Variants in DSN1 observed in about 807,000 individuals in gnomAD.
DSN1 encodes DSN1 component of MIS12 kinetochore complex.
A neutral mutation model predicts 45.7 loss-of-function variants in DSN1; 31 were observed. The observed-to-expected ratio is 0.68, with a 90% CI of 0.51 to 0.92. DSN1 has a LOEUF of 0.92. DSN1 is among the 40% of genes least tolerant of loss of function. DSN1 has a pLI of 0.00. For synonymous variants in DSN1, 134 were observed against 142.3 expected (o/e 0.94, Z 0.41); for missense variants, 394 against 414.2 (o/e 0.95, Z 0.42).
chr20:36,758,929 C>T (rs1011043068), intron 6 of DSN1, among the ~76,000 whole-genome samples: 16 of 151,458 alleles, frequency 1.1e-4, no homozygotes, highest in African/African-American at 3.6e-4. Context: ...TCAGGTGATC[C>T]GCCCGCCTCA....
At chr20:36,769,371 T>C (rs1264373860) in intron 3 of DSN1, among the ~76,000 whole-genome samples, 1 of 152,198 alleles carries the variant, frequency 6.6e-6, no homozygotes, top group Non-Finnish European at 1.5e-5. Context: ...ACCTGACAGG[T>C]TGCCAGAAAT....
intron 1 of DSN1, 81 bp from the exon 2 acceptor site, chr20:36,771,554 A>C: frequency 7.3e-7 from 1 of 1,363,590 alleles, no homozygotes; most frequent in Non-Finnish European, 1.0e-6. Flanking sequence ...CAGAATAAAT[A>C]GGCCGTGTGC....
At chr20:36,761,744 C>G (rs1349622319) in intron 6 of DSN1, among the ~76,000 whole-genome samples, 1 of 152,106 alleles carries the variant, frequency 6.6e-6, no homozygotes, top group Non-Finnish European at 1.5e-5. Context: ...CACCTATAAT[C>G]TCAGCACTTT....
chr20:36,763,177 G>C (rs1027185891), intron 5 of DSN1, among the ~76,000 whole-genome samples: 1 of 152,100 alleles, frequency 6.6e-6, no homozygotes, highest in African/African-American at 2.4e-5. Flanking sequence ...GCCAAGGCAG[G>C]CATATCACTT....
intron 5 of DSN1, among the ~76,000 whole-genome samples, chr20:36,763,908 A>AAAAAG (rs1052573528): frequency 1.3e-5 from 2 of 149,674 alleles, no homozygotes; most frequent in African/African-American, 4.9e-5. Flanking sequence ...AAAAAAAAAA[A>AAAAAG]AAAGAAAGAC....
Position 36,773,709 on chromosome 20 carries a change from T to TTG in DSN1, c.-64_-63insCA. On this transcript the variant is annotated 5_prime_UTR_variant, in exon 1 of 11. Coordinates refer to ENST00000373750, the MANE Select transcript of DSN1 (RefSeq NM_001145315.2). ...GCTCTCCACAGCCCCAGGTCACTCC[T>TTG]GGACGCCTTGCGCACCCGCAGCCGA... is the stretch of plus-strand genomic sequence containing the variant. 1.0e-6 allele frequency: 1 copy of TTG among 985,566 alleles called. No homozygotes were observed. The highest frequency in any genetic ancestry group is 1.2e-6 in the Non-Finnish European group (1 of 830,002). 61.1% of individuals were successfully genotyped at this position (985,566 alleles called of 1,614,324 possible).
chr20:36,767,413 C>T lies in DSN1; in HGVS notation c.429+556G>A, dbSNP rs867284645. Among the ~76,000 whole-genome samples the T allele has an allele frequency of 2.0e-5, 3 of 152,234 alleles. No individual in the cohort carries two copies. The South Asian group carries it at 6.2e-4, about 32-fold the overall frequency. ...AAAAAAAAAGGTTATTTAATTCACACAAATTACCTGCTTATCTAAATTGAT... is the reference window on the plus strand; with the variant it reads ...AAAAAAAAAGGTTATTTAATTCACATAAATTACCTGCTTATCTAAATTGAT... On this transcript the variant is annotated intron_variant, in intron 4 of 10. Coordinates refer to ENST00000373750, the MANE Select transcript of DSN1 (RefSeq NM_001145315.2).
Position 36,752,131 on chromosome 20 carries a change from T to C in DSN1, c.*657A>G, listed in dbSNP as rs1325682693. On this transcript the variant is annotated 3_prime_UTR_variant, in exon 11 of 11. Transcript: ENST00000373750. ...GTGCAGTGGCGCAATTAGAACTCAC[T>C]GCAGCCTCAACCTCCTGGGCTCAAA... 1 of 152,306 alleles carries C rather than the reference T, an allele frequency of 6.6e-6. No individual in the cohort carries two copies. The allele number at this position is 152,306 out of a possible 1,614,324, so 9.4% of individuals were successfully genotyped here.
chr20:36,767,850 C>A, intron 4 of DSN1, 119 bp downstream of exon 4: 1 of 994,828 alleles, frequency 1.0e-6, no homozygotes, highest in Non-Finnish European at 1.5e-6. Flanking sequence ...TGCAGTGAGT[C>A]AAGATCATAC....
At chr20:36,765,974 C>A (rs1205852841) in intron 5 of DSN1, among the ~76,000 whole-genome samples, 1 of 150,910 alleles carries the variant, frequency 6.6e-6, no homozygotes, top group Non-Finnish European at 1.5e-5. Flanking sequence ...GGGCGGATCA[C>A]CTAAGGTCAG....
intron 10 of DSN1, among the ~76,000 whole-genome samples, chr20:36,753,651 A>C (rs1269694902): frequency 6.7e-6 from 1 of 150,326 alleles, no homozygotes; most frequent in Non-Finnish European, 1.5e-5. Context: ...AAAAAAAAAA[A>C]AAGAAAAAGA....
chr20:36,758,526 G>T (rs768285719), intron 7 of DSN1, 32 bp downstream of exon 7: 3 of 1,575,964 alleles, frequency 1.9e-6, no homozygotes, highest in South Asian at 2.3e-5. Context: ...ATGGGAGAAC[G>T]AATTTAGATT....
chr20:36,763,433 A>AAAAT (rs1987123892), intron 5 of DSN1, among the ~76,000 whole-genome samples: 1 of 149,144 alleles, frequency 6.7e-6, no homozygotes, highest in African/African-American at 2.5e-5. Context: ...AAAAAAAAAA[A>AAAAT]GAAGTCAGGC....
intron 5 of DSN1, among the ~76,000 whole-genome samples, chr20:36,764,077 T>G (rs1261204528): frequency 1.3e-5 from 2 of 151,822 alleles, no homozygotes; most frequent in African/African-American, 2.4e-5. Flanking sequence ...GAAAGTTAGC[T>G]GGGTGTGGTG....
chr20:36,763,886 A>C (rs1987161750), intron 5 of DSN1, among the ~76,000 whole-genome samples: 1 of 15,224 alleles, frequency 6.6e-5, no homozygotes, highest in African/African-American at 2.2e-4. Flanking sequence ...ACTCTGTCTC[A>C]AAAAAAAAAA....
intron 4 of DSN1, 109 bp from the exon 5 acceptor site, chr20:36,766,950 G>T: frequency 1.5e-6 from 1 of 655,962 alleles, no homozygotes; most frequent in Non-Finnish European, 2.5e-6. Flanking sequence ...TACTAAATAT[G>T]ATGTAATTTT....
At chr20:36,762,614 CA>C in intron 5 of DSN1, 66 bp from the exon 6 acceptor site, 1 of 1,451,984 alleles carries the variant, frequency 6.9e-7, no homozygotes, top group Non-Finnish European at 9.4e-7. Flanking sequence ...GAGATGCTGA[CA>C]AAGGTATATT....
At chr20:36,764,983 T>C (rs750813940) in intron 5 of DSN1, among the ~76,000 whole-genome samples, 2 of 151,358 alleles carry the variant, frequency 1.3e-5, no homozygotes, top group African/African-American at 2.4e-5. Flanking sequence ...AAAATGCTTA[T>C]CTTCTTCAAA....
intron 6 of DSN1, 21 bp from the exon 7 acceptor site, chr20:36,758,638 T>C (rs1986805161): frequency 2.5e-6 from 4 of 1,594,666 alleles, no homozygotes; most frequent in Non-Finnish European, 3.4e-6. Flanking sequence ...GATAGGATTA[T>C]GACATAAATC....
Sources: gnomAD v4.1 joint callset for allele counts (sites outside exome capture counted in the v4.1 genomes callset) on GRCh38, gnomAD v4.1.1 for gene constraint, MANE v1.5 for transcripts, NCBI Gene and HGNC (gene_info 2026-07-23, HGNC 2026-07-21) for gene names.